Variants in FAXC observed in about 807,000 individuals in gnomAD.
FAXC encodes failed axon connections homolog.
A neutral mutation model predicts 41.9 loss-of-function variants in FAXC; 10 were observed. The observed-to-expected ratio is 0.24, with a 90% CI of 0.15 to 0.41. The LOEUF (loss-of-function observed/expected upper bound fraction) is 0.41. FAXC is among the 10% of genes least tolerant of loss of function. FAXC has a pLI of 1.00. For synonymous variants in FAXC, 183 were observed against 183.8 expected (o/e 1.00, Z 0.03); for missense variants, 399 against 510.9 (o/e 0.78, Z 2.11).
intron 4 of FAXC, among the ~76,000 whole-genome samples, chr6:99,312,789 A>G (rs1034388889): frequency 6.6e-6 from 1 of 152,230 alleles, no homozygotes; most frequent in Admixed American, 6.5e-5. Flanking sequence ...GAATTACTTA[A>G]TAAGTAAATG....
chr6:99,325,288 T>C (rs1167587123), intron 3 of FAXC, among the ~76,000 whole-genome samples: 1 of 152,120 alleles, frequency 6.6e-6, no homozygotes, highest in Non-Finnish European at 1.5e-5. Flanking sequence ...AAATAAGAAA[T>C]AGATTTCTCT....
chr6:99,309,800 A>G (rs1415481035), intron 4 of FAXC: 6 of 504,000 alleles, frequency 1.2e-5, no homozygotes, highest in Non-Finnish European at 1.0e-5. Context: ...TGAGCACAGG[A>G]CTCCGGTATG....
intron 3 of FAXC, among the ~76,000 whole-genome samples, chr6:99,328,755 T>G (rs1340106254): frequency 6.6e-6 from 1 of 152,170 alleles, no homozygotes; most frequent in East Asian, 1.9e-4. Context: ...TTTTCTTGGT[T>G]CTTCAAACCC....
intron 3 of FAXC, among the ~76,000 whole-genome samples, chr6:99,331,528 T>C (rs951216690): frequency 1.3e-5 from 2 of 152,158 alleles, no homozygotes; most frequent in Non-Finnish European, 2.9e-5. Flanking sequence ...CAAAAAATAG[T>C]GATGTGTGGT....
chr6:99,348,723 C>T (rs999713383), intron 1 of FAXC, among the ~76,000 whole-genome samples: 2 of 152,188 alleles, frequency 1.3e-5, no homozygotes, highest in Non-Finnish European at 2.9e-5. Flanking sequence ...ATAAGGTTAG[C>T]AGTTAATATT....
chr6:99,315,232 TAAAAAAAAAAAA>T (rs1174982279), intron 4 of FAXC, among the ~76,000 whole-genome samples: 1 of 40,480 alleles, frequency 2.5e-5, no homozygotes, highest in Non-Finnish European at 3.8e-5. Flanking sequence ...CACTCCATCT[TAAAAAAAAAAAA>T]AAAAAAAAAA....
intron 5 of FAXC, among the ~76,000 whole-genome samples, chr6:99,284,461 C>T (rs1420329552): frequency 6.6e-6 from 1 of 152,112 alleles, no homozygotes; most frequent in Non-Finnish European, 1.5e-5. Context: ...TTGCCTATCC[C>T]TTTCTGTGGC....
At chr6:99,348,415 A>G (rs1292480289) in intron 1 of FAXC, among the ~76,000 whole-genome samples, 3 of 152,208 alleles carry the variant, frequency 2.0e-5, no homozygotes, top group East Asian at 1.9e-4. Context: ...TCAATCTTGT[A>G]AACATTCTGC....
chr6:99,328,880 A>G lies in FAXC; in HGVS notation c.599+4471T>C, dbSNP rs531999857. Among the ~76,000 whole-genome samples, 31 of 152,360 alleles carry G rather than the reference A, an allele frequency of 2.0e-4. 1 individual carries two copies. The highest frequency in any genetic ancestry group is 3.7e-4 in the Non-Finnish European group (25 of 68,036). ...AACACTCATTCATTAAGTTTGCAGA[A>G]ATAATGAATTATTGATTAAATGAAA... On this transcript the variant is annotated intron_variant, in intron 3 of 5. Transcript: ENST00000389677.
chr6:99,340,455 G>A (rs1773383809), intron 2 of FAXC, among the ~76,000 whole-genome samples: 1 of 151,996 alleles, frequency 6.6e-6, no homozygotes, highest in Non-Finnish European at 1.5e-5. Context: ...TATCAAATGT[G>A]AGAGTATAAT....
intron 4 of FAXC, among the ~76,000 whole-genome samples, chr6:99,294,498 G>C (rs1771397230): frequency 6.6e-6 from 1 of 152,176 alleles, no homozygotes; most frequent in African/African-American, 2.4e-5. Context: ...CCACACACTG[G>C]AAGCCATGAG....
chr6:99,333,559 A>G lies in FAXC; in HGVS notation c.403-12T>C, dbSNP rs778992249. On this transcript the variant is annotated splice_polypyrimidine_tract_variant and intron_variant, in intron 2 of 5. Coordinates refer to ENST00000389677, the MANE Select transcript of FAXC (RefSeq NM_032511.4). ...CCACCAAAATAGTTCTAAGCAGAGT[A>G]CATTTTTAAAAAGAGAAAAGCAATA... 3.8e-6 allele frequency: 6 copies of G among 1,573,360 alleles called. No individual in the cohort carries two copies. The Admixed American group carries it at 1.0e-4, about 26-fold the overall frequency.
chr6:99,303,226 A>C (rs1465195997), intron 4 of FAXC, among the ~76,000 whole-genome samples: 1 of 152,108 alleles, frequency 6.6e-6, no homozygotes, highest in African/African-American at 2.4e-5. Flanking sequence ...TTTTGTCTAG[A>C]TTGTATACTC....
chr6:99,281,264 T>G lies in FAXC; in HGVS notation c.1130A>C (p.Asn377Thr). 6.2e-7 allele frequency: 1 copy of G among 1,614,138 alleles called. No individual in the cohort carries two copies. The highest frequency in any genetic ancestry group is 2.2e-5 in the East Asian group (1 of 44,884). ...TGTGTCTGGGGTTCTGGAAAAACTG[T>G]TTTCTGCTCCCTCATCTTCAAAGGT... The part of the protein sequence containing the change: ...TETFEDEGAE[N>T]SFSRTPDTDF... The change falls in exon 6 of 6, where the codon AAC (asparagine) becomes ACC (threonine). Residue 377 changes from asparagine (N) to threonine (T), a missense_variant. Physicochemically the swap from Asn to Thr is moderately conservative, Grantham distance 65. This residue lies in a region of FAXC where 92 missense variants were observed against 94.9 expected (regional missense o/e 0.97). Coordinates refer to ENST00000389677, the MANE Select transcript of FAXC (RefSeq NM_032511.4).
intron 2 of FAXC, among the ~76,000 whole-genome samples, chr6:99,340,361 A>G (rs1582688295): frequency 6.6e-6 from 1 of 152,098 alleles, no homozygotes; most frequent in South Asian, 2.1e-4. Flanking sequence ...TCAGCCTCCC[A>G]AAGTGCTGGG....
chr6:99,335,227 T>A (rs1489630560), intron 2 of FAXC, among the ~76,000 whole-genome samples: 1 of 152,216 alleles, frequency 6.6e-6, no homozygotes, highest in South Asian at 2.1e-4. Flanking sequence ...CTTTTTAAAA[T>A]AGTAGTAATA....
chr6:99,311,118 C>T (rs1021556132), intron 4 of FAXC, among the ~76,000 whole-genome samples: 13 of 152,216 alleles, frequency 8.5e-5, no homozygotes, highest in Non-Finnish European at 1.6e-4. Flanking sequence ...GCTGTAAACA[C>T]GAATGCTTTA....
intron 4 of FAXC, among the ~76,000 whole-genome samples, chr6:99,312,191 G>T (rs1343848883): frequency 1.3e-5 from 2 of 152,218 alleles, no homozygotes; most frequent in Non-Finnish European, 2.9e-5. Context: ...GCCTGGCACA[G>T]AGTCCAGCTG....
At chr6:99,297,048 C>G (rs927715946) in intron 4 of FAXC, among the ~76,000 whole-genome samples, 1 of 152,180 alleles carries the variant, frequency 6.6e-6, no homozygotes, top group East Asian at 1.9e-4. Context: ...GATATCAGCT[C>G]TCTTACCCAG....
Sources: gnomAD v4.1 joint callset for allele counts (sites outside exome capture counted in the v4.1 genomes callset) on GRCh38, gnomAD v4.1.1 for gene constraint, gnomAD v4.1.1 regional missense constraint, MANE v1.5 for transcripts, NCBI Gene and HGNC (gene_info 2026-07-23, HGNC 2026-07-21) for gene names.